The following SORCS2 variants were observed in gnomAD, a reference collection of about 807,000 sequenced individuals.
SORCS2 encodes the protein VPS10 domain-containing receptor SorCS2.
Under a neutral mutation model 141.6 loss-of-function variants are expected in SORCS2, and 100 were observed. The ratio of observed to expected loss-of-function variants is 0.71; its 90% CI spans 0.60 to 0.83. The LOEUF (loss-of-function observed/expected upper bound fraction) is 0.83, where lower values mean the gene tolerates loss of function less well. SORCS2 is among the 40% of genes least tolerant of loss of function. The pLI, the probability that SORCS2 is intolerant of heterozygous loss-of-function variation, is 0.00. For missense variants in SORCS2, 1,646 were observed against 1,560.2 expected (o/e 1.05, Z -0.93); for synonymous variants, 789 against 676.9 (o/e 1.17, Z -2.57).
chr4:7,381,624 T>C (rs983803192), intron 1 of SORCS2, among the ~76,000 whole-genome samples: 1 of 152,170 alleles, frequency 6.6e-6, no homozygotes, highest in East Asian at 1.9e-4. Context: ...CCAACTCTCT[T>C]ACTCACAGAA....
intron 2 of SORCS2, among the ~76,000 whole-genome samples, chr4:7,477,746 A>G (rs1208104583): frequency 6.6e-5 from 10 of 152,172 alleles, no homozygotes. Flanking sequence ...AGCCGGAGAG[A>G]AAATGTGTGT....
At chr4:7,548,942 C>A (rs1020807173) in intron 3 of SORCS2, among the ~76,000 whole-genome samples, 4 of 152,154 alleles carry the variant, frequency 2.6e-5, no homozygotes, top group African/African-American at 9.7e-5. Context: ...GCCCCATTCC[C>A]GAGGCATCAG....
intron 21 of SORCS2, 22 bp downstream of exon 21, chr4:7,726,925 G>T (rs779998320): frequency 1.9e-6 from 3 of 1,606,482 alleles, no homozygotes; most frequent in Non-Finnish European, 2.6e-6. Context: ...CTGGGGTCTG[G>T]CAGCACGGCC....
chr4:7,315,055 A>G (rs1718470028), intron 1 of SORCS2, among the ~76,000 whole-genome samples: 1 of 150,774 alleles, frequency 6.6e-6, no homozygotes, highest in Admixed American at 6.6e-5. Flanking sequence ...CTGGTCTCGA[A>G]CTCCTGACCT....
intron 14 of SORCS2, among the ~76,000 whole-genome samples, chr4:7,710,839 G>A (rs1159611528): frequency 6.6e-6 from 1 of 152,236 alleles, no homozygotes; most frequent in East Asian, 1.9e-4. Flanking sequence ...GTTGCCACTA[G>A]CAGCTAGGAG....
chr4:7,538,024 T>C (rs1712272194), intron 3 of SORCS2, among the ~76,000 whole-genome samples: 2 of 152,120 alleles, frequency 1.3e-5, no homozygotes, highest in African/African-American at 4.8e-5. Context: ...CTTTAGCCAA[T>C]AGAGGATTGA....
intron 3 of SORCS2, among the ~76,000 whole-genome samples, chr4:7,532,262 A>C (rs1711725554): frequency 6.6e-6 from 1 of 152,160 alleles, no homozygotes; most frequent in African/African-American, 2.4e-5. Context: ...TGTCCTGTGA[A>C]CCTGACTCCA....
chr4:7,531,014 G>T (rs928982317), intron 2 of SORCS2, among the ~76,000 whole-genome samples: 1 of 152,152 alleles, frequency 6.6e-6, no homozygotes, highest in Admixed American at 6.5e-5. Flanking sequence ...GGAGGATGGG[G>T]CTCCCTGGAG....
intron 23 of SORCS2, among the ~76,000 whole-genome samples, chr4:7,729,925 C>CG (rs1301619549): frequency 1.3e-5 from 2 of 152,036 alleles, no homozygotes; most frequent in East Asian, 3.9e-4. Flanking sequence ...CAGAGGTAGT[C>CG]GGGGGGAGGG....
At chr4:7,681,335 A>C (rs761711649) in intron 9 of SORCS2, among the ~76,000 whole-genome samples, 1 of 152,214 alleles carries the variant, frequency 6.6e-6, no homozygotes, top group Non-Finnish European at 1.5e-5. Flanking sequence ...GTGTCAGCAC[A>C]TGGATCCTTA....
At chr4:7,675,502 G>A (rs891520433) in intron 8 of SORCS2, among the ~76,000 whole-genome samples, 1 of 152,208 alleles carries the variant, frequency 6.6e-6, no homozygotes, top group Non-Finnish European at 1.5e-5. Context: ...CCTGCAGGTC[G>A]CAGAGGACAG....
chr4:7,364,970 C>T (rs2109030222), intron 1 of SORCS2, among the ~76,000 whole-genome samples: 1 of 152,360 alleles, frequency 6.6e-6, no homozygotes, highest in South Asian at 2.1e-4. Context: ...CTTTGTGTCT[C>T]CAGGATCTCA....
At chr4:7,260,360 T>A (rs1304444226) in intron 1 of SORCS2, among the ~76,000 whole-genome samples, 1 of 152,044 alleles carries the variant, frequency 6.6e-6, no homozygotes, top group Non-Finnish European at 1.5e-5. Context: ...GGCTCCTCTA[T>A]CTGCCTCCAA....
intron 2 of SORCS2, among the ~76,000 whole-genome samples, chr4:7,527,288 A>G (rs1303233105): frequency 2.0e-5 from 3 of 152,246 alleles, no homozygotes; most frequent in Non-Finnish European, 4.4e-5. Flanking sequence ...GCTACCTTAC[A>G]TGGCAAAGGG....
At chr4:7,432,115 T>G (rs1295942825) in intron 2 of SORCS2, 1 of 151,664 alleles carries the variant, frequency 6.6e-6, no homozygotes, top group Non-Finnish European at 1.5e-5. Flanking sequence ...CAGGAGCACT[T>G]GAACCCAGAT....
chr4:7,396,653 G>A (rs1724235447), intron 2 of SORCS2, among the ~76,000 whole-genome samples: 1 of 152,178 alleles, frequency 6.6e-6, no homozygotes, highest in African/African-American at 2.4e-5. Flanking sequence ...AGGAGGGTTT[G>A]CATTGTGAAT....
chr4:7,277,183 A>G (rs1445695166), intron 1 of SORCS2, among the ~76,000 whole-genome samples: 1 of 152,166 alleles, frequency 6.6e-6, no homozygotes, highest in Admixed American at 6.5e-5. Context: ...GCTCAGTGTA[A>G]ACTTTCCTGC....
intron 1 of SORCS2, among the ~76,000 whole-genome samples, chr4:7,214,489 G>T (rs1344038730): frequency 6.6e-6 from 1 of 152,190 alleles, no homozygotes; most frequent in African/African-American, 2.4e-5. Flanking sequence ...AAATGACTCA[G>T]TCTGTGGTAT....
At chr4:7,212,523 G>C (rs530215360) in intron 1 of SORCS2, among the ~76,000 whole-genome samples, 38 of 152,332 alleles carry the variant, frequency 2.5e-4, no homozygotes, top group Admixed American at 7.2e-4. Context: ...ACCAGGCTTG[G>C]TTCCTTGTCT....
Sources: gnomAD v4.1 joint callset for allele counts (sites outside exome capture counted in the v4.1 genomes callset) on GRCh38, gnomAD v4.1.1 for gene constraint, MANE v1.5 for transcripts, NCBI Gene and HGNC (gene_info 2026-07-23, HGNC 2026-07-21) for gene names.